Variants in APOOL observed in about 807,000 individuals in gnomAD.
APOOL encodes the protein MICOS complex subunit MIC27.
APOOL carries 12 observed loss-of-function variants against 23.1 expected under a neutral mutation model. The ratio of observed to expected loss-of-function variants is 0.52; its 90% confidence interval spans 0.33 to 0.84. The LOEUF (loss-of-function observed/expected upper bound fraction) is 0.84. Among genes scored for constraint, APOOL ranks in the 40% least tolerant of loss-of-function variants. The pLI is 0.02. For missense variants in APOOL, 212 were observed against 199.6 expected (o/e 1.06, Z -0.37); for synonymous variants, 77 against 69.9 (o/e 1.10, Z -0.51).
At chrX:85,008,535 T>TTGTGTGTGTGTGTGTG (rs57105866) in intron 1 of APOOL, among the ~76,000 whole-genome samples, 2,302 of 86,056 alleles carry the variant, frequency 0.027, 53 homozygotes, top group Middle Eastern at 0.051. Flanking sequence ...TGATAACCCG[T>TTGTGTGTGTGTGTGTG]TGTGTGTGTG....
chrX:85,070,641 T>C (rs1426430524), intron 6 of APOOL, among the ~76,000 whole-genome samples: 1 of 111,268 alleles, frequency 9.0e-6, no homozygotes, highest in Non-Finnish European at 1.9e-5. Context: ...ATACATTGTG[T>C]AATGATTATT....
intron 8 of APOOL, among the ~76,000 whole-genome samples, chrX:85,080,823 A>ATTGT (rs1240509663): frequency 9.0e-6 from 1 of 111,588 alleles, no homozygotes; most frequent in East Asian, 2.8e-4. Context: ...TTCTTGTTGA[A>ATTGT]TTGTTCCCTT....
chrX:85,055,235 A>T (rs996480687), intron 4 of APOOL, among the ~76,000 whole-genome samples: 4 of 111,731 alleles, frequency 3.6e-5, no homozygotes, highest in Non-Finnish European at 7.5e-5. Context: ...AGAAAAGTGT[A>T]CTTTTGGAAC....
Position 85,091,945 on chromosome X carries a change from G to C in APOOL, c.*4267G>C, listed in dbSNP as rs1602815958. 1.7e-5 allele frequency: 2 copies of C among 114,877 alleles called. No homozygotes were observed. The highest frequency in any genetic ancestry group is 3.6e-5 in the Non-Finnish European group (2 of 55,592). 9.5% of individuals were successfully genotyped at this position (114,877 alleles called of 1,213,427 possible). The stretch of plus-strand genomic sequence containing the variant: ...GCTGAGCAGAGTTGCTTATGTCTGG[G>C]AGGCTGAAGTGGGAGGATTGCTTGA... On this transcript the variant is annotated 3_prime_UTR_variant, in exon 9 of 9. Coordinates refer to ENST00000373173, the MANE Select transcript of APOOL (RefSeq NM_198450.6).
intron 1 of APOOL, among the ~76,000 whole-genome samples, chrX:85,035,785 C>T (rs1922196769): frequency 1.8e-5 from 2 of 111,157 alleles, no homozygotes; most frequent in African/African-American, 3.3e-5. Context: ...TTTCTGGGTT[C>T]TCCAACATCT....
intron 8 of APOOL, among the ~76,000 whole-genome samples, chrX:85,074,892 TATAAC>T (rs776314275): frequency 4.5e-5 from 5 of 110,451 alleles, no homozygotes; most frequent in Non-Finnish European, 9.5e-5. Flanking sequence ...TTATAATACT[TATAAC>T]ATTGCTAGTA....
At chrX:85,016,704 C>T (rs1293339549) in intron 1 of APOOL, among the ~76,000 whole-genome samples, 2 of 111,782 alleles carry the variant, frequency 1.8e-5, no homozygotes, top group Non-Finnish European at 3.8e-5. Flanking sequence ...TTTATGATCA[C>T]AGAGGCTGCC....
At position 85,088,073 on chromosome X, in the gene APOOL, T is replaced by TATTA. The variant is rs370609264; in HGVS notation, c.*397_*398insTAAT. 1.9e-3 allele frequency: 6 copies of TATTA among 3,237 alleles called. 2 individuals are homozygous for TATTA. The highest frequency in any genetic ancestry group is 0.01 in the African/African-American group (6 of 597). The allele number at this position is 3,237 out of a possible 1,213,427, so 0.3% of individuals were successfully genotyped here. Reference sequence around the variant, plus strand: ...ATTTATACATATATGTATAAATACATATACATATATGTATAAATACATATA... The same window carrying TATTA: ...ATTTATACATATATGTATAAATACATATTAATACATATATGTATAAATACATATA... On this transcript the variant is annotated 3_prime_UTR_variant, in exon 9 of 9. Coordinates refer to ENST00000373173, the MANE Select transcript of APOOL (RefSeq NM_198450.6).
At chrX:85,020,026 T>C (rs1431170877) in intron 1 of APOOL, among the ~76,000 whole-genome samples, 1 of 111,595 alleles carries the variant, frequency 9.0e-6, no homozygotes, top group Non-Finnish European at 1.9e-5. Context: ...CACAGAATAG[T>C]GGGAATGCAT....
chrX:85,077,063 A>G lies in APOOL; in HGVS notation c.718+2672A>G, dbSNP rs1005553740. Among the ~76,000 whole-genome samples, 72 of 45,958 alleles carry G rather than the reference A, an allele frequency of 1.6e-3. 1 individual carries two copies. The highest frequency in any genetic ancestry group is 1.0e-2 in the African/African-American group (68 of 6,817). 39.9% of individuals were successfully genotyped at this position (45,958 alleles called of 115,157 possible). On this transcript the variant is annotated intron_variant, in intron 8 of 8. Transcript: ENST00000373173. ...TATATACGTATATGTATATACACGT[A>G]TATATATATATACATATATATATAT...
At chrX:85,076,790 A>C (rs1290551064) in intron 8 of APOOL, among the ~76,000 whole-genome samples, 5 of 108,542 alleles carry the variant, frequency 4.6e-5, no homozygotes, top group Admixed American at 2.0e-4. Flanking sequence ...CTACCATCTC[A>C]TGTACATTAA....
At chrX:85,075,987 T>C (rs1181106190) in intron 8 of APOOL, among the ~76,000 whole-genome samples, 1 of 111,549 alleles carries the variant, frequency 9.0e-6, no homozygotes, top group African/African-American at 3.3e-5. Flanking sequence ...GCCAACATGG[T>C]CAGGTTCTGG....
chrX:85,008,338 CCT>C (rs948150338), intron 1 of APOOL, among the ~76,000 whole-genome samples: 1 of 111,346 alleles, frequency 9.0e-6, no homozygotes, highest in Non-Finnish European at 1.9e-5. Context: ...CTTTCCTTTA[CCT>C]TTGCCTGTGG....
intron 1 of APOOL, among the ~76,000 whole-genome samples, chrX:85,013,865 T>A (rs1436661142): frequency 8.9e-6 from 1 of 111,762 alleles, no homozygotes; most frequent in Non-Finnish European, 1.9e-5. Context: ...ATCCATTGTT[T>A]CTTTGTTGAC....
chrX:85,044,254 A>ATGTG (rs745401579), intron 1 of APOOL, among the ~76,000 whole-genome samples: 2,032 of 103,792 alleles, frequency 0.02, 26 homozygotes, highest in Middle Eastern at 0.082. Context: ...GCTCATATTT[A>ATGTG]TGTGTGTGTG....
intron 1 of APOOL, among the ~76,000 whole-genome samples, chrX:85,013,103 G>A (rs1921347383): frequency 9.0e-6 from 1 of 111,616 alleles, no homozygotes; most frequent in Non-Finnish European, 1.9e-5. Flanking sequence ...TCTATGCTAG[G>A]TTTTCTAGTT....
chrX:85,048,886 A>T (rs1922665245), intron 2 of APOOL, among the ~76,000 whole-genome samples: 1 of 111,018 alleles, frequency 9.0e-6, no homozygotes. Flanking sequence ...TTTAATAGAA[A>T]ACTCTGTAGC....
intron 1 of APOOL, among the ~76,000 whole-genome samples, chrX:85,005,394 ACC>A (rs1299068150): frequency 0.012 from 32 of 2,597 alleles, no homozygotes; most frequent in Non-Finnish European, 0.016. Flanking sequence ...CTCGTGATTC[ACC>A]CCCCCCCCCC....
intron 5 of APOOL, among the ~76,000 whole-genome samples, chrX:85,060,243 G>C (rs1487575047): frequency 2.3e-4 from 24 of 103,779 alleles, no homozygotes; most frequent in African/African-American, 7.1e-4. Flanking sequence ...CTATATCTCT[G>C]TTTTGGTACC....
Sources: gnomAD v4.1 joint callset for allele counts (sites outside exome capture counted in the v4.1 genomes callset) on GRCh38, gnomAD v4.1.1 for gene constraint, MANE v1.5 for transcripts, NCBI Gene and HGNC (gene_info 2026-07-23, HGNC 2026-07-21) for gene names.